The following SMAD2 variants were observed in gnomAD, a reference collection of about 807,000 sequenced individuals.
SMAD2 encodes the protein MAD homolog 2.
Under a neutral mutation model 64.4 loss-of-function variants are expected in SMAD2, and 8 were observed. That is an observed-to-expected ratio of 0.12 (90% CI 0.07 to 0.22). SMAD2 has a LOEUF of 0.22. SMAD2 is among the 10% of genes least tolerant of loss of function. The pLI is 1.00. For missense variants in SMAD2, 289 were observed against 561.2 expected (o/e 0.51, Z 4.90); for synonymous variants, 203 against 195.8 (o/e 1.04, Z -0.31).
rs760412920 is a variant in SMAD2, at chr18:47,883,105, CTATTT to C, written c.237-12546_237-12542del. Among the ~76,000 whole-genome samples, 29 of 152,256 alleles carry C rather than the reference CTATTT, an allele frequency of 1.9e-4. 1 individual carries two copies. The highest frequency in any genetic ancestry group is 1.0e-3 in the South Asian group (5 of 4,834). ...ATTATTTCTTCTTTCTACTTACTTT[CTATTT>C]TATCTTTTTAGGTAACTTTCTTTCC... On this transcript the variant is annotated intron_variant, in intron 2 of 10. Coordinates refer to ENST00000262160, the MANE Select transcript of SMAD2 (RefSeq NM_005901.6).
intron 2 of SMAD2, among the ~76,000 whole-genome samples, chr18:47,879,495 C>CGTGTGTGTGTGTGTGTGTGTGTGTGTGT (rs58440360): frequency 3.5e-5 from 5 of 141,340 alleles, no homozygotes; most frequent in East Asian, 2.2e-4. Flanking sequence ...ATGTATATGA[C>CGTGTGTGTGTGTGTGTGTGTGTGTGTGT]GTGTGTGTGT....
chr18:47,885,806 A>T (rs1358060719), intron 2 of SMAD2, among the ~76,000 whole-genome samples: 1 of 152,150 alleles, frequency 6.6e-6, no homozygotes, highest in Non-Finnish European at 1.5e-5. Flanking sequence ...TACCAAAAAT[A>T]CAAAAATTAG....
rs1912173577 is a variant in SMAD2 at position 47,810,740 on chromosome 18, G to C, written c.*31087C>G. 1 of 152,010 alleles carries C rather than the reference G, an allele frequency of 6.6e-6. No homozygotes were observed. Among genetic ancestry groups the C allele is most frequent in the South Asian group, 2.1e-4 (1 of 4,810 alleles). 9.4% of individuals were successfully genotyped at this position (152,010 alleles called of 1,614,324 possible). A position where few individuals can be genotyped will look rare whatever the true frequency, so the allele number is the denominator to read the frequency against. On this transcript the variant is annotated 3_prime_UTR_variant, in exon 11 of 11. Transcript: ENST00000262160. ...ACTTGGGCCCAGGAGTTTAAGACCA[G>C]GCTGGGCAACACAGCAAGATCCTGT...
chr18:47,835,823 T>C lies in SMAD2; in HGVS notation c.*6004A>G, dbSNP rs1792671. 108,357 of 194,068 alleles carry C rather than the reference T, an allele frequency of 0.56. 31,054 individuals are homozygous for C. The highest frequency in any genetic ancestry group is 0.83 in the East Asian group (10,243 of 12,292). The allele number at this position is 194,068 out of a possible 1,614,324, so 12.0% of individuals were successfully genotyped here. A position where few individuals can be genotyped will look rare whatever the true frequency, so the allele number is the denominator to read the frequency against. ...TTGTTCAATAAATTACCATCTTTAA[T>C]TAAAAATAAGTAAATCAAAGAGCAT... On this transcript the variant is annotated 3_prime_UTR_variant, in exon 11 of 11. Transcript: ENST00000262160.
chr18:47,909,723 G>A (rs950504895), intron 1 of SMAD2, among the ~76,000 whole-genome samples: 12 of 152,096 alleles, frequency 7.9e-5, no homozygotes, highest in Non-Finnish European at 1.3e-4. Context: ...GCTTTTCTCT[G>A]GATTCGTTCC....
At chr18:47,914,481 A>G (rs1194016923) in intron 1 of SMAD2, among the ~76,000 whole-genome samples, 1 of 152,220 alleles carries the variant, frequency 6.6e-6, no homozygotes, top group African/African-American at 2.4e-5. Flanking sequence ...GACGTAATAC[A>G]GAGAATCCCC....
rs1460763280 is a variant in SMAD2 at position 47,841,087 on chromosome 18, GAA to G, written c.*738_*739del. 1 of 229,952 alleles carries G rather than the reference GAA, an allele frequency of 4.3e-6. No individual in the cohort carries two copies. The highest frequency in any genetic ancestry group is 8.6e-6 in the Non-Finnish European group (1 of 116,904). The allele number at this position is 229,952 out of a possible 1,614,324, so 14.2% of individuals were successfully genotyped here. A position where few individuals can be genotyped will look rare whatever the true frequency, so the allele number is the denominator to read the frequency against. On this transcript the variant is annotated 3_prime_UTR_variant, in exon 11 of 11. Transcript: ENST00000262160. ...GATTATGAGGACAAAAATGGGAATG[GAA>G]AAAAGAGGCTTGGAAAGGTTTTCAG...
chr18:47,911,634 T>C (rs1261686183), intron 1 of SMAD2, among the ~76,000 whole-genome samples: 1 of 152,188 alleles, frequency 6.6e-6, no homozygotes, highest in Non-Finnish European at 1.5e-5. Flanking sequence ...AAGGAGTCAA[T>C]AATAGGATTA....
chr18:47,857,749 T>C (rs926659104), intron 6 of SMAD2, among the ~76,000 whole-genome samples: 1 of 152,166 alleles, frequency 6.6e-6, no homozygotes, highest in African/African-American at 2.4e-5. Context: ...AAAATTTCAA[T>C]GGCCATGCAC....
intron 7 of SMAD2, among the ~76,000 whole-genome samples, chr18:47,850,252 ATAT>A (rs1568040002): frequency 1.2e-5 from 1 of 85,982 alleles, no homozygotes; most frequent in Non-Finnish European, 2.0e-5. Flanking sequence ...TATATTATAT[ATAT>A]TATGTATAAT....
At chr18:47,896,854 T>C in intron 1 of SMAD2, 45 bp from the exon 2 acceptor site, 2 of 1,504,906 alleles carry the variant, frequency 1.3e-6, no homozygotes, top group Admixed American at 3.9e-5. Flanking sequence ...ACCTTGAACA[T>C]CAAGTAATAA....
chr18:47,867,298 C>G (rs2031630802), intron 5 of SMAD2: 1 of 152,014 alleles, frequency 6.6e-6, no homozygotes, highest in Non-Finnish European at 1.5e-5. Flanking sequence ...ATTTGTAAAA[C>G]CAGCTATTTA....
In SMAD2 at chr18:47,838,473, G is replaced by A; in HGVS notation, c.*3354C>T. ...ATTCAATATCCATCACAGTGGCTGG[G>A]CAAACAACAGGCATCAATAAATGTT... On this transcript the variant is annotated 3_prime_UTR_variant, in exon 11 of 11. Coordinates refer to ENST00000262160, the MANE Select transcript of SMAD2 (RefSeq NM_005901.6). The A allele has an allele frequency of 8.6e-6, 2 of 233,028 alleles. No homozygotes were observed. Among genetic ancestry groups the A allele is most frequent in the Non-Finnish European group, 1.7e-5 (2 of 117,942 alleles). 14.4% of individuals were successfully genotyped at this position (233,028 alleles called of 1,614,324 possible). A position where few individuals can be genotyped will look rare whatever the true frequency, so the allele number is the denominator to read the frequency against.
rs936615570 is a variant in SMAD2, at chr18:47,809,398, C to T, written c.*32429G>A. On this transcript the variant is annotated 3_prime_UTR_variant, in exon 11 of 11. Transcript: ENST00000262160. ...TATTCTATATCCCTCCAATCTGGAA[C>T]TGGAACCAGGTAGAGATAAGGATAA... The T allele has an allele frequency of 5.9e-5, 9 of 152,374 alleles. No homozygotes were observed. The highest frequency in any genetic ancestry group is 2.2e-4 in the African/African-American group (9 of 41,456). The allele number at this position is 152,374 out of a possible 1,614,324, so 9.4% of individuals were successfully genotyped here. A position where few individuals can be genotyped will look rare whatever the true frequency, so the allele number is the denominator to read the frequency against.
At position 47,814,441 on chromosome 18, in the gene SMAD2, C is replaced by T. The variant is rs1473442939; in HGVS notation, c.*27386G>A. ...TAAAAGCAAAGCTTGGACAACTGAACATGAGTTTTACTCCTAACCATGGAT... is the reference window on the plus strand; with the variant it reads ...TAAAAGCAAAGCTTGGACAACTGAATATGAGTTTTACTCCTAACCATGGAT... On this transcript the variant is annotated 3_prime_UTR_variant, in exon 11 of 11. Coordinates refer to ENST00000262160, the MANE Select transcript of SMAD2 (RefSeq NM_005901.6). 1 of 152,188 alleles carries T rather than the reference C, an allele frequency of 6.6e-6. No individual in the cohort carries two copies. The highest frequency in any genetic ancestry group is 1.5e-5 in the Non-Finnish European group (1 of 68,038). The allele number at this position is 152,188 out of a possible 1,614,324, so 9.4% of individuals were successfully genotyped here. A position where few individuals can be genotyped will look rare whatever the true frequency, so the allele number is the denominator to read the frequency against.
chr18:47,861,627 T>G (rs1212179188), intron 6 of SMAD2, among the ~76,000 whole-genome samples: 1 of 152,244 alleles, frequency 6.6e-6, no homozygotes, highest in Non-Finnish European at 1.5e-5. Flanking sequence ...AAGGCATTGT[T>G]ATAAGACTAT....
chr18:47,897,381 T>C (rs1288578193), intron 1 of SMAD2, among the ~76,000 whole-genome samples: 1 of 28,662 alleles, frequency 3.5e-5, no homozygotes, highest in Non-Finnish European at 1.8e-3. Flanking sequence ...AGAAATTTTT[T>C]AACACATGTT....
In SMAD2 at chr18:47,832,571, A is replaced by G. The variant is rs1256615256; in HGVS notation, c.*9256T>C. 6.6e-6 allele frequency: 1 copy of G among 152,214 alleles called. No individual in the cohort carries two copies. Among genetic ancestry groups the G allele is most frequent in the Non-Finnish European group, 1.5e-5 (1 of 68,034 alleles). The allele number at this position is 152,214 out of a possible 1,614,324, so 9.4% of individuals were successfully genotyped here. ...TCTGCTAACCAGTACTGATTCATCC[A>G]CAGAACTGAATTCTTGCAAGGCACA... On this transcript the variant is annotated 3_prime_UTR_variant, in exon 11 of 11. Coordinates refer to ENST00000262160, the MANE Select transcript of SMAD2 (RefSeq NM_005901.6).
rs1220983138 is a variant in SMAD2, at chr18:47,838,301, A to G, written c.*3526T>C. ...ACAACTAGGTATTAAACAATTTGTA[A>G]AAACTTACAAAGAAAATTTAGCTTT... is the stretch of plus-strand genomic sequence containing the variant. On this transcript the variant is annotated 3_prime_UTR_variant, in exon 11 of 11. Coordinates refer to ENST00000262160, the MANE Select transcript of SMAD2 (RefSeq NM_005901.6). 1 of 233,176 alleles carries G rather than the reference A, an allele frequency of 4.3e-6. No individual in the cohort carries two copies. The highest frequency in any genetic ancestry group is 8.5e-6 in the Non-Finnish European group (1 of 118,022). The allele number at this position is 233,176 out of a possible 1,614,324, so 14.4% of individuals were successfully genotyped here. A position where few individuals can be genotyped will look rare whatever the true frequency, so the allele number is the denominator to read the frequency against.
Sources: gnomAD v4.1 joint callset for allele counts (sites outside exome capture counted in the v4.1 genomes callset) on GRCh38, gnomAD v4.1.1 for gene constraint, MANE v1.5 for transcripts, NCBI Gene and HGNC (gene_info 2026-07-23, HGNC 2026-07-21) for gene names.